Variants in PPP6C observed in about 807,000 individuals in gnomAD.
The protein encoded by PPP6C is serine/threonine-protein phosphatase 6 catalytic subunit.
Under a neutral mutation model 39.8 loss-of-function variants are expected in PPP6C, and 11 were observed. The observed-to-expected ratio is 0.28, with a 90% CI of 0.17 to 0.46. The LOEUF is 0.46. Ranked by LOEUF, PPP6C falls within the 20% of genes least tolerant of loss-of-function variation. The pLI is 1.00. For missense variants in PPP6C, 211 were observed against 373.9 expected (o/e 0.56, Z 3.59); for synonymous variants, 129 against 130.3 (o/e 0.99, Z 0.07).
chr9:125,162,637 T>C (rs917410852), intron 2 of PPP6C, among the ~76,000 whole-genome samples: 10 of 148,042 alleles, frequency 6.8e-5, no homozygotes, highest in South Asian at 2.1e-4. Flanking sequence ...CTGGGCATCA[T>C]GGTGGGCACC....
intron 1 of PPP6C, among the ~76,000 whole-genome samples, chr9:125,183,289 A>G (rs1159797862): frequency 1.3e-5 from 2 of 152,194 alleles, no homozygotes; most frequent in African/African-American, 4.8e-5. Context: ...TGCTGCCAGA[A>G]TAAACATTTC....
At chr9:125,171,466 CACACACACACACATATATAT>C (rs1318191307) in intron 1 of PPP6C, among the ~76,000 whole-genome samples, 66 of 85,528 alleles carry the variant, frequency 7.7e-4, no homozygotes, top group African/African-American at 2.1e-3. Flanking sequence ...CATATACACA[CACACACACACACATATATAT>C]ATATATATAT....
chr9:125,174,073 G>T (rs1829241122), intron 1 of PPP6C, among the ~76,000 whole-genome samples: 1 of 152,202 alleles, frequency 6.6e-6, no homozygotes, highest in Non-Finnish European at 1.5e-5. Context: ...ACAGGGAACT[G>T]GAGGTCTCAG....
chr9:125,171,220 C>A, intron 1 of PPP6C, 40 bp from the exon 2 acceptor site: 1 of 1,417,430 alleles, frequency 7.1e-7, no homozygotes, highest in Non-Finnish European at 9.7e-7. Context: ...TTTACTACAA[C>A]ATTAAAACTA....
rs1370516129 is a variant in PPP6C, at chr9:125,187,090, GC to G, written c.75+2553del. Among the ~76,000 whole-genome samples, 62 of 149,714 alleles carry G rather than the reference GC, an allele frequency of 4.1e-4. 1 individual carries two copies. The South Asian group carries it at 0.013, about 31-fold the overall frequency. The stretch of plus-strand genomic sequence containing the variant: ...GCCTCCCAAGTAGCTGGGATTCCAA[GC>G]ACCTGCCACCACCTCCAGTTTATTT... On this transcript the variant is annotated intron_variant, in intron 1 of 6. Transcript: ENST00000373547.
chr9:125,155,904 C>CA (rs1231626756), intron 4 of PPP6C, among the ~76,000 whole-genome samples: 1,409 of 60,452 alleles, frequency 0.023, 22 homozygotes, highest in Non-Finnish European at 0.031. Flanking sequence ...GACTCCGTCT[C>CA]AAAAAAAAAA....
intron 2 of PPP6C, among the ~76,000 whole-genome samples, chr9:125,167,286 C>T (rs2041414399): frequency 7.0e-6 from 1 of 142,516 alleles, no homozygotes; most frequent in Non-Finnish European, 1.5e-5. Flanking sequence ...GATGCTGAGG[C>T]ACAAGAATCA....
At chr9:125,177,951 G>C (rs1257601040) in intron 1 of PPP6C, among the ~76,000 whole-genome samples, 1 of 152,030 alleles carries the variant, frequency 6.6e-6, no homozygotes, top group African/African-American at 2.4e-5. Context: ...ATGTATTTAA[G>C]GTTCTTCCAT....
intron 3 of PPP6C, 74 bp from the exon 4 acceptor site, chr9:125,158,456 C>T (rs1222778163): frequency 4.3e-6 from 6 of 1,403,012 alleles, no homozygotes; most frequent in African/African-American, 1.4e-5. Context: ...TCAAACTGTA[C>T]AAACATATAG....
chr9:125,172,053 G>A (rs369031049), intron 1 of PPP6C: 1 of 443,194 alleles, frequency 2.3e-6, no homozygotes, highest in East Asian at 7.1e-5. Context: ...ACACATTTTG[G>A]TACATCCACA....
chr9:125,161,450 G>GT (rs1828874979), intron 2 of PPP6C, among the ~76,000 whole-genome samples: 1 of 151,924 alleles, frequency 6.6e-6, no homozygotes. Flanking sequence ...CATATTTTTT[G>GT]TTTTTTGTTT....
chr9:125,167,827 G>A (rs1797893721), intron 2 of PPP6C, among the ~76,000 whole-genome samples: 1 of 24,670 alleles, frequency 4.1e-5, no homozygotes, highest in Non-Finnish European at 1.0e-4. Flanking sequence ...AGGAGTTTGA[G>A]ATGGGGGGGG....
intron 1 of PPP6C, among the ~76,000 whole-genome samples, chr9:125,187,474 G>C (rs919211932): frequency 6.6e-6 from 1 of 151,628 alleles, no homozygotes; most frequent in African/African-American, 2.4e-5. Context: ...AGTAGAGAGG[G>C]GGTTTCACCA....
intron 1 of PPP6C, among the ~76,000 whole-genome samples, chr9:125,175,740 C>A: frequency 6.6e-6 from 1 of 151,914 alleles, no homozygotes; most frequent in East Asian, 1.9e-4. Flanking sequence ...ATCTAGAATC[C>A]AAGTTTCCTA....
At chr9:125,189,514 G>A (rs1312440006) in intron 1 of PPP6C, 130 bp downstream of exon 1, 2 of 1,488,144 alleles carry the variant, frequency 1.3e-6, no homozygotes, top group Admixed American at 5.0e-5. Flanking sequence ...GGTAGGACCG[G>A]GTCGACTGGC....
Position 125,189,796 on chromosome 9 carries a change from G to A in PPP6C, c.-78C>T. The stretch of plus-strand genomic sequence containing the variant: ...GGCGGCAGCGGCGGAGGCCGAAGCC[G>A]GAACTTTCCCTGCGTCACGTCCGGC... On this transcript the variant is annotated 5_prime_UTR_variant, in exon 1 of 7. Coordinates refer to ENST00000373547, the MANE Select transcript of PPP6C (RefSeq NM_002721.5). 4.0e-6 allele frequency: 6 copies of A among 1,489,228 alleles called. No homozygotes were observed. The highest frequency in any genetic ancestry group is 2.3e-5 in the Admixed American group (1 of 43,654). 92.3% of individuals were successfully genotyped at this position (1,489,228 alleles called of 1,614,324 possible).
chr9:125,187,465 G>A (rs1025676979), intron 1 of PPP6C, among the ~76,000 whole-genome samples: 3 of 151,608 alleles, frequency 2.0e-5, no homozygotes, highest in Admixed American at 6.6e-5. Context: ...TGTGTTTTTA[G>A]TAGAGAGGGG....
At chr9:125,156,367 G>A (rs552242989) in intron 4 of PPP6C, among the ~76,000 whole-genome samples, 5 of 152,186 alleles carry the variant, frequency 3.3e-5, no homozygotes, top group African/African-American at 9.6e-5. Flanking sequence ...TCCACCTCCC[G>A]GGTTCAAGGG....
chr9:125,150,223 T>C (rs909340891), intron 6 of PPP6C, among the ~76,000 whole-genome samples: 1 of 152,238 alleles, frequency 6.6e-6, no homozygotes, highest in Non-Finnish European at 1.5e-5. Flanking sequence ...AAGATATTGC[T>C]ATCAGTATCT....
Sources: allele counts gnomAD v4.1 joint callset (sites outside exome capture counted in the v4.1 genomes callset), GRCh38; gene constraint gnomAD v4.1.1; transcripts MANE v1.5; gene names NCBI Gene and HGNC (gene_info 2026-07-23, HGNC 2026-07-21).